EPB41L4B: variants seen among roughly 807,000 people sequenced by gnomAD.
The protein encoded by EPB41L4B is band 4.1-like protein 4B.
A neutral mutation model predicts 112.5 loss-of-function variants in EPB41L4B; 30 were observed. That is an observed-to-expected ratio of 0.27 (90% CI 0.20 to 0.36). EPB41L4B has a LOEUF of 0.36. EPB41L4B is among the 10% of genes least tolerant of loss of function. The probability of loss-of-function intolerance (pLI) is 1.00; values close to 1 mark genes in which losing one functional copy is unlikely to be tolerated. For synonymous variants in EPB41L4B, 408 were observed against 439.7 expected, an observed-to-expected ratio of 0.93 and a Z score of 0.90; for missense variants, 1,024 against 1,133.3, an observed-to-expected ratio of 0.90 and a Z score of 1.38.
chr9:109,234,144 G>A (rs1297400812), intron 15 of EPB41L4B, among the ~76,000 whole-genome samples: 6 of 151,822 alleles, frequency 4.0e-5, no homozygotes, highest in African/African-American at 1.5e-4. Flanking sequence ...TGCTTCCTGT[G>A]AGGTCACAAA....
intron 16 of EPB41L4B, 95 bp downstream of exon 16, chr9:109,216,827 G>A (rs1045692380): frequency 1.6e-6 from 2 of 1,234,208 alleles, no homozygotes; most frequent in Non-Finnish European, 2.3e-6. Flanking sequence ...ATTGTGTGCT[G>A]CACCGCAAGG....
intron 15 of EPB41L4B, chr9:109,241,491 AC>A: frequency 7.2e-7 from 1 of 1,395,572 alleles, no homozygotes; most frequent in Non-Finnish European, 9.3e-7. Flanking sequence ...GTAAATTATG[AC>A]AAGCTATAGT....
chr9:109,190,504 C>T (rs1252309595), intron 22 of EPB41L4B, among the ~76,000 whole-genome samples: 5 of 152,224 alleles, frequency 3.3e-5, no homozygotes, highest in Admixed American at 3.3e-4. Flanking sequence ...GAGCACTTCC[C>T]TTCCTCATGC....
intron 7 of EPB41L4B, among the ~76,000 whole-genome samples, chr9:109,257,811 G>T (rs763761418): frequency 1.3e-5 from 2 of 152,120 alleles, no homozygotes; most frequent in Non-Finnish European, 2.9e-5. Context: ...CCTAGGCAAC[G>T]TGGTGAAACC....
intron 17 of EPB41L4B, among the ~76,000 whole-genome samples, chr9:109,209,038 A>G (rs1026953371): frequency 6.6e-6 from 1 of 152,188 alleles, no homozygotes; most frequent in Non-Finnish European, 1.5e-5. Context: ...TAAATGTGAC[A>G]TATCAGCCAC....
intron 23 of EPB41L4B, 131 bp downstream of exon 23, chr9:109,185,358 A>G: frequency 1.4e-6 from 1 of 722,514 alleles, no homozygotes; most frequent in Non-Finnish European, 2.4e-6. Flanking sequence ...ATCTGGAGTG[A>G]GGGCACCTGT....
At chr9:109,231,500 T>TTA (rs1405350223) in intron 15 of EPB41L4B, among the ~76,000 whole-genome samples, 1 of 152,218 alleles carries the variant, frequency 6.6e-6, no homozygotes, top group African/African-American at 2.4e-5. Flanking sequence ...TTCATAAAAG[T>TTA]TGCACTTTTG....
intron 1 of EPB41L4B, among the ~76,000 whole-genome samples, chr9:109,297,642 T>A (rs1217339983): frequency 6.6e-6 from 1 of 152,190 alleles, no homozygotes; most frequent in African/African-American, 2.4e-5. Flanking sequence ...TCCCACAGCA[T>A]CCCTGCGGCA....
intron 1 of EPB41L4B, among the ~76,000 whole-genome samples, chr9:109,318,489 A>T (rs1231618633): frequency 6.6e-6 from 1 of 152,106 alleles, no homozygotes; most frequent in Non-Finnish European, 1.5e-5. Context: ...TAAACGAATC[A>T]TCCCCAGGGA....
Position 109,276,154 on chromosome 9 carries a change from TACACAC to T in EPB41L4B, c.411+3657_411+3662del, listed in dbSNP as rs66791042. Among the ~76,000 whole-genome samples the T allele has an allele frequency of 4.1e-3, 583 of 141,748 alleles. 19 individuals are homozygous for T. The East Asian group carries it at 0.043, about 10-fold the overall frequency. 93.0% of individuals were successfully genotyped at this position (141,748 alleles called of 152,430 possible). ...TATACATAATATATACGTGTGTGTA[TACACAC>T]ACACACACACACACACACACACACA... is the stretch of plus-strand genomic sequence containing the variant. On this transcript the variant is annotated intron_variant, in intron 2 of 25. Transcript: ENST00000374566.
intron 13 of EPB41L4B, 40 bp downstream of exon 13, chr9:109,251,441 T>C (rs1198855902): frequency 6.3e-7 from 1 of 1,589,404 alleles, no homozygotes; most frequent in African/African-American, 1.3e-5. Flanking sequence ...ATACGATCCT[T>C]AGAGAGGAGA....
intron 17 of EPB41L4B, among the ~76,000 whole-genome samples, chr9:109,208,895 G>A: frequency 6.6e-6 from 1 of 151,996 alleles, no homozygotes; most frequent in East Asian, 1.9e-4. Context: ...ATGGTACCCG[G>A]CACATAGTAG....
Position 109,320,534 on chromosome 9 carries a change from G to A in EPB41L4B, c.-88C>T. 2.6e-6 allele frequency: 2 copies of A among 774,398 alleles called. No individual in the cohort carries two copies. Among genetic ancestry groups the A allele is most frequent in the Non-Finnish European group, 3.1e-6 (2 of 640,824 alleles). The allele number at this position is 774,398 out of a possible 1,614,324, so 48.0% of individuals were successfully genotyped here. On this transcript the variant is annotated 5_prime_UTR_variant, in exon 1 of 26. Coordinates refer to ENST00000374566, the MANE Select transcript of EPB41L4B (RefSeq NM_019114.5). The stretch of plus-strand genomic sequence containing the variant: ...GCGCCGCCGCCCGGGAGCGTCCCGC[G>A]ACGCCGTCAGTGCCCTCGGCCGCCC...
At chr9:109,179,000 A>G (rs1263538818) in intron 24 of EPB41L4B, among the ~76,000 whole-genome samples, 4 of 151,422 alleles carry the variant, frequency 2.6e-5, no homozygotes, top group African/African-American at 4.8e-5. Context: ...CTGTTTTTTA[A>G]TATTTGTTGA....
intron 25 of EPB41L4B, among the ~76,000 whole-genome samples, chr9:109,175,248 G>A (rs560333206): frequency 4.5e-4 from 68 of 152,046 alleles, no homozygotes; most frequent in Admixed American, 3.4e-3. Flanking sequence ...AAGATGTCCA[G>A]GGGTTAGATT....
intron 1 of EPB41L4B, among the ~76,000 whole-genome samples, chr9:109,283,567 C>T (rs1033908128): frequency 6.6e-6 from 1 of 151,934 alleles, no homozygotes; most frequent in Non-Finnish European, 1.5e-5. Flanking sequence ...AGCCATTATA[C>T]AAGATAATTA....
chr9:109,279,630 G>A (rs1027010878), intron 2 of EPB41L4B, among the ~76,000 whole-genome samples, 187 bp downstream of exon 2: 2 of 152,148 alleles, frequency 1.3e-5, no homozygotes, highest in Non-Finnish European at 2.9e-5. Flanking sequence ...CCACCTCAAG[G>A]GTGAGGCATC....
At chr9:109,240,450 G>A (rs1834315330) in intron 15 of EPB41L4B, 1 of 985,330 alleles carries the variant, frequency 1.0e-6, no homozygotes, top group East Asian at 1.1e-4. Context: ...ATTTTTTAGA[G>A]GGCCTAACAT....
chr9:109,293,917 G>A (rs1836634531), intron 1 of EPB41L4B, among the ~76,000 whole-genome samples: 2 of 152,004 alleles, frequency 1.3e-5, no homozygotes, highest in Non-Finnish European at 2.9e-5. Flanking sequence ...TGCAATGTGT[G>A]GTCTGTAGTA....
Sources: allele counts gnomAD v4.1 joint callset (sites outside exome capture counted in the v4.1 genomes callset), GRCh38; gene constraint gnomAD v4.1.1; transcripts MANE v1.5; gene names NCBI Gene and HGNC (gene_info 2026-07-23, HGNC 2026-07-21).